Variants in DNAH12 observed in about 807,000 individuals in gnomAD.
DNAH12 encodes the protein dynein axonemal heavy chain 12, also known as axonemal beta dynein heavy chain 12.
Under a neutral mutation model 371.5 loss-of-function variants are expected in DNAH12, and 285 were observed. The ratio of observed to expected loss-of-function variants is 0.77; its 90% CI spans 0.70 to 0.85. DNAH12 has a LOEUF of 0.85. Ranked by LOEUF, DNAH12 falls within the 40% of genes least tolerant of loss-of-function variation. The pLI, the probability that DNAH12 is intolerant of heterozygous loss-of-function variation, is 0.00. For synonymous variants in DNAH12, 1,200 were observed against 1,213.0 expected, an observed-to-expected ratio of 0.99 and a Z score of 0.22; for missense variants, 3,611 against 3,689.4, an observed-to-expected ratio of 0.98 and a Z score of 0.55.
At chr3:57,446,350 G>A (rs1167856292) in intron 26 of DNAH12, 80 bp from the exon 27 acceptor site, 2 of 1,465,674 alleles carry the variant, frequency 1.4e-6, no homozygotes, top group Non-Finnish European at 1.8e-6. Flanking sequence ...AATATTTTAA[G>A]TCAGAATTGA....
chr3:57,296,279 A>T, intron 72 of DNAH12, 65 bp downstream of exon 72: 1 of 1,255,178 alleles, frequency 8.0e-7, no homozygotes, highest in Non-Finnish European at 1.1e-6. Context: ...TTTAAGCAAC[A>T]GATTGCTTAT....
intron 45 of DNAH12, among the ~76,000 whole-genome samples, chr3:57,391,023 A>G (rs2063611430): frequency 1.3e-5 from 2 of 152,270 alleles, no homozygotes; most frequent in South Asian, 4.1e-4. Context: ...TCAGTGGGGC[A>G]GATGAGCCAT....
chr3:57,435,226 G>C (rs189179567), intron 30 of DNAH12, among the ~76,000 whole-genome samples: 98 of 152,002 alleles, frequency 6.4e-4, no homozygotes, highest in Admixed American at 6.3e-3. Flanking sequence ...ACCAAAATTA[G>C]CTGGGCGTGA....
chr3:57,465,036 A>G (rs1246179970), intron 17 of DNAH12, among the ~76,000 whole-genome samples: 1 of 152,212 alleles, frequency 6.6e-6, no homozygotes, highest in South Asian at 2.1e-4. Context: ...GAAGTATGTC[A>G]CAGCTGAGTG....
chr3:57,519,188 G>A (rs921461914), intron 4 of DNAH12, among the ~76,000 whole-genome samples: 3 of 152,152 alleles, frequency 2.0e-5, no homozygotes, highest in South Asian at 2.1e-4. Flanking sequence ...TTTGCCATCC[G>A]TGTATCCTCT....
intron 2 of DNAH12, among the ~76,000 whole-genome samples, chr3:57,538,505 C>A (rs538580564): frequency 4.6e-5 from 7 of 152,282 alleles, no homozygotes; most frequent in African/African-American, 1.4e-4. Flanking sequence ...GTGTTGAGAT[C>A]CCTCTCCTTA....
intron 17 of DNAH12, among the ~76,000 whole-genome samples, chr3:57,463,744 A>G (rs1051370568): frequency 1.3e-5 from 2 of 152,112 alleles, no homozygotes; most frequent in Non-Finnish European, 2.9e-5. Flanking sequence ...TGAAGTTTTA[A>G]CATCTAAAAA....
intron 60 of DNAH12, among the ~76,000 whole-genome samples, chr3:57,342,500 A>AG (rs1553656577): frequency 6.8e-6 from 1 of 147,456 alleles, no homozygotes; most frequent in African/African-American, 2.5e-5. Context: ...AAAAAAAAAA[A>AG]AAAAAAAATT....
chr3:57,404,912 T>A (rs2153352911), intron 42 of DNAH12, 57 bp downstream of exon 42: 1 of 1,398,454 alleles, frequency 7.2e-7, no homozygotes, highest in East Asian at 2.8e-5. Context: ...ATTTCAAACA[T>A]TTCATAATAA....
At chr3:57,543,315 GTTTTTTTTTT>G (rs5849214) in intron 1 of DNAH12, among the ~76,000 whole-genome samples, 13 of 70,286 alleles carry the variant, frequency 1.8e-4, no homozygotes, top group African/African-American at 6.3e-4. Context: ...ATCATTAATG[GTTTTTTTTTT>G]TTTTTTTTTT....
chr3:57,317,473 CTCTT>C (rs772682565), intron 65 of DNAH12, among the ~76,000 whole-genome samples: 16 of 152,270 alleles, frequency 1.1e-4, no homozygotes, highest in African/African-American at 3.9e-4. Flanking sequence ...TACAGCATTT[CTCTT>C]TCTGTGACTG....
chr3:57,310,843 T>G lies in DNAH12; in HGVS notation c.10770A>C (p.Leu3590=). ...RVTDDWDRRL[L]LTMLADFYNL... is the part of the protein sequence containing the mutation. ...TATAAAAGTCAGCCAGCATGGTTAA[T>G]AGAAGACGTCTGTCCCAATCGTCTG... Residue 3590 remains leucine (L), a synonymous_variant, in exon 67 of 74, where the codon CTA becomes CTC. Transcript: ENST00000495027. The G allele has an allele frequency of 6.4e-7, 1 of 1,551,668 alleles. No homozygotes were observed. Among genetic ancestry groups the G allele is most frequent in the Non-Finnish European group, 8.7e-7 (1 of 1,146,950 alleles).
In DNAH12 at chr3:57,421,816, G is replaced by T. The variant is rs1370985663; in HGVS notation, c.5374-110C>A. On this transcript the variant is annotated intron_variant, in intron 35 of 73. Transcript: ENST00000495027. ...GGATATGCTCAACTTACTTGAACAAGGTCGTAAGTGTAAATAAAGTAGAAT... is the reference window on the plus strand; with the variant it reads ...GGATATGCTCAACTTACTTGAACAATGTCGTAAGTGTAAATAAAGTAGAAT... The T allele has an allele frequency of 4.2e-6, 5 of 1,184,206 alleles. No individual in the cohort carries two copies. In the East Asian group the frequency reaches 1.3e-4, roughly 30 times the overall value. The allele number at this position is 1,184,206 out of a possible 1,614,324, so 73.4% of individuals were successfully genotyped here. A position where few individuals can be genotyped will look rare whatever the true frequency, so the allele number is the denominator to read the frequency against.
At chr3:57,407,395 T>TG (rs1302801469) in intron 40 of DNAH12, among the ~76,000 whole-genome samples, 3 of 152,110 alleles carry the variant, frequency 2.0e-5, no homozygotes, top group African/African-American at 7.2e-5. Flanking sequence ...AGAAATATTA[T>TG]GTTTTATAAA....
At position 57,502,426 on chromosome 3, in the gene DNAH12, A is replaced by C; in HGVS notation, c.1140T>G (p.Leu380=). 6.2e-7 allele frequency: 1 copy of C among 1,614,234 alleles called. No homozygotes were observed. The highest frequency in any genetic ancestry group is 8.5e-7 in the Non-Finnish European group (1 of 1,180,048). Residue 380 remains leucine, a synonymous_variant, in exon 10 of 74, where the codon CTT becomes CTG. Transcript: ENST00000495027. ...ACACGTGTTCAGGAAGTTCTGTGTC[A>C]AGATTTACTGGTGTTGAAGTTCCTG... ...WLSGTSTPVN[L]DTELPEHVLH...
At chr3:57,343,610 A>T (rs1382213977) in intron 60 of DNAH12, among the ~76,000 whole-genome samples, 1 of 152,192 alleles carries the variant, frequency 6.6e-6, no homozygotes, top group Non-Finnish European at 1.5e-5. Flanking sequence ...GAAAGACCTG[A>T]CCGTCCCCCA....
rs1258609739 is a variant in DNAH12 at position 57,309,738 on chromosome 3, GCCTC to G, written c.11009_11012del (p.Gly3670AlafsTer16). The G allele has an allele frequency of 1.3e-6, 2 of 1,551,012 alleles. No individual in the cohort carries two copies. The highest frequency in any genetic ancestry group is 1.7e-6 in the Non-Finnish European group (2 of 1,146,752). On this transcript the variant is annotated frameshift_variant, in exon 68 of 74. Coordinates refer to ENST00000495027, the MANE Select transcript of DNAH12 (RefSeq NM_001366028.2). LOFTEE classifies it high-confidence loss of function. ...TTCCTGAGGCTCCTGTCTGTTTGGA[GCCTC>G]CCTGGGTGAGGAGCAAGGACTCAAA...
At chr3:57,520,458 T>TTC (rs1284206638) in intron 4 of DNAH12, among the ~76,000 whole-genome samples, 1 of 150,328 alleles carries the variant, frequency 6.7e-6, no homozygotes, top group Non-Finnish European at 1.5e-5. Flanking sequence ...TTATTTTTTT[T>TTC]TTGAGACGGA....
At position 57,394,251 on chromosome 3, in the gene DNAH12, G is replaced by C. The variant is rs2063692405; in HGVS notation, c.7030C>G (p.Leu2344Val). 2.0e-5 allele frequency: 3 copies of C among 152,174 alleles called. No individual in the cohort carries two copies. Among genetic ancestry groups the C allele is most frequent in the South Asian group, 2.1e-4 (1 of 4,832 alleles). 9.4% of individuals were successfully genotyped at this position (152,174 alleles called of 1,614,324 possible). A position where few individuals can be genotyped will look rare whatever the true frequency, so the allele number is the denominator to read the frequency against. ...TTGAGCACACTGTCGATATCCTCTAGGAAAGCTTCCTCTTTAATCTGAGTG... is the reference window on the plus strand; with the variant it reads ...TTGAGCACACTGTCGATATCCTCTACGAAAGCTTCCTCTTTAATCTGAGTG... Reference protein sequence around the residue: ...TDTQIKEEAFLEDIDSVLNTG... With the variant: ...TDTQIKEEAFVEDIDSVLNTG... Residue 2344 changes from leucine to valine, a missense_variant, in exon 44 of 74, where the codon CTA (leucine) becomes GTA (valine). Coordinates refer to ENST00000495027, the MANE Select transcript of DNAH12 (RefSeq NM_001366028.2).
Sources: allele counts gnomAD v4.1 joint callset (sites outside exome capture counted in the v4.1 genomes callset), GRCh38; gene constraint gnomAD v4.1.1; transcripts MANE v1.5; gene names NCBI Gene and HGNC (gene_info 2026-07-23, HGNC 2026-07-21).